RNGTT: variants seen among roughly 807,000 people sequenced by gnomAD.
The protein encoded by RNGTT is RNA guanylyltransferase and 5'-phosphatase, also known as mRNA-capping enzyme.
In RNGTT, 33 loss-of-function variants were observed where a neutral mutation model predicts 79.3. That is an observed-to-expected ratio of 0.42 (90% CI 0.32 to 0.56). RNGTT has a LOEUF of 0.56. Ranked by LOEUF, RNGTT falls within the 20% of genes least tolerant of loss-of-function variation. The pLI, the probability that RNGTT is intolerant of heterozygous loss-of-function variation, is 0.17. For synonymous variants in RNGTT, 222 were observed against 235.9 expected (o/e 0.94, Z 0.54); for missense variants, 497 against 739.1 (o/e 0.67, Z 3.80).
At chr6:88,756,524 G>A (rs981028896) in intron 13 of RNGTT, among the ~76,000 whole-genome samples, 2 of 151,956 alleles carry the variant, frequency 1.3e-5, no homozygotes, top group Non-Finnish European at 2.9e-5. Context: ...GGAATAAAGC[G>A]ACATACTTTA....
chr6:88,878,262 A>G (rs945383889), intron 8 of RNGTT, among the ~76,000 whole-genome samples: 1 of 151,688 alleles, frequency 6.6e-6, no homozygotes, highest in Admixed American at 6.6e-5. Context: ...CACCTGGCTA[A>G]TTTTTCTATT....
At chr6:88,892,021 A>AT in intron 6 of RNGTT, 106 bp from the exon 7 acceptor site, 1 of 754,024 alleles carries the variant, frequency 1.3e-6, no homozygotes, top group Non-Finnish European at 2.0e-6. Context: ...GTTCTCACAA[A>AT]TCTTAGCAAG....
chr6:88,700,131 T>C (rs1201358697), intron 13 of RNGTT, among the ~76,000 whole-genome samples: 1 of 152,162 alleles, frequency 6.6e-6, no homozygotes, highest in Non-Finnish European at 1.5e-5. Flanking sequence ...TCACGGATCT[T>C]ATCACAATAA....
Position 88,612,851 on chromosome 6 carries a change from G to A in RNGTT, c.1662C>T (p.Thr554=). 6.2e-7 allele frequency: 1 copy of A among 1,613,782 alleles called. No homozygotes were observed. The highest frequency in any genetic ancestry group is 8.5e-7 in the Non-Finnish European group (1 of 1,179,914). ...CGATGAACTCAAACAGCATCTCCTTGGTGACAGGGTTTGAGATGCTGTTAC... is the reference window on the plus strand; with the variant it reads ...CGATGAACTCAAACAGCATCTCCTTAGTGACAGGGTTTGAGATGCTGTTAC... ...AVCNSISNPV[T]KEMLFEFIDR... The change falls in exon 16 of 16, where the codon ACC becomes ACT. Residue 554 remains threonine (T), a synonymous_variant. Transcript: ENST00000369485.
intron 8 of RNGTT, among the ~76,000 whole-genome samples, chr6:88,860,434 T>C (rs1475243534): frequency 6.6e-6 from 1 of 152,184 alleles, no homozygotes; most frequent in Non-Finnish European, 1.5e-5. Context: ...AGACTATCCA[T>C]GTTCCTTTCC....
intron 13 of RNGTT, among the ~76,000 whole-genome samples, chr6:88,719,365 G>A (rs1305184160): frequency 1.3e-5 from 2 of 152,118 alleles, no homozygotes; most frequent in Admixed American, 1.3e-4. Context: ...TATTCCTTCT[G>A]TGGTTCAACT....
At chr6:88,784,383 A>G (rs1362818701) in intron 12 of RNGTT, among the ~76,000 whole-genome samples, 1 of 152,150 alleles carries the variant, frequency 6.6e-6, no homozygotes, top group Non-Finnish European at 1.5e-5. Context: ...AAGTGCTTTG[A>G]GGCCAATGGG....
chr6:88,962,308 G>T (rs1785656947), intron 1 of RNGTT, among the ~76,000 whole-genome samples: 1 of 151,900 alleles, frequency 6.6e-6, no homozygotes. Context: ...CAATAAAGAT[G>T]AAAAAAACTA....
intron 8 of RNGTT, among the ~76,000 whole-genome samples, chr6:88,856,151 T>C (rs928610261): frequency 1.3e-5 from 2 of 152,334 alleles, no homozygotes; most frequent in South Asian, 4.1e-4. Context: ...TCTGTTCATC[T>C]TATTTAGTCC....
chr6:88,909,585 C>A (rs1050449010), intron 4 of RNGTT, among the ~76,000 whole-genome samples: 3 of 152,154 alleles, frequency 2.0e-5, no homozygotes, highest in Admixed American at 2.0e-4. Context: ...AAGCCCCACA[C>A]AGAGCAAAGG....
chr6:88,663,323 T>C (rs935059805), intron 14 of RNGTT, among the ~76,000 whole-genome samples: 3 of 152,084 alleles, frequency 2.0e-5, no homozygotes, highest in African/African-American at 4.8e-5. Flanking sequence ...TATCCAGCAT[T>C]AGAGGTGAGA....
intron 14 of RNGTT, among the ~76,000 whole-genome samples, chr6:88,671,156 G>T (rs998438084): frequency 2.6e-5 from 4 of 152,150 alleles, no homozygotes; most frequent in Admixed American, 2.6e-4. Context: ...TAAAGAGGAA[G>T]TCAAACTGTC....
At chr6:88,651,461 T>TA (rs1773795476) in intron 14 of RNGTT, among the ~76,000 whole-genome samples, 1 of 152,152 alleles carries the variant, frequency 6.6e-6, no homozygotes, top group Non-Finnish European at 1.5e-5. Flanking sequence ...GCTGGGCATA[T>TA]AATACTCAAC....
rs1453268079 is a variant in RNGTT at position 88,678,397 on chromosome 6, G to A, written c.1462C>T (p.Leu488Phe). ...CTTTCATAACCTCCAACATACAGGA[G>A]GCCAACATTCTGAGGAAGTAACCTA... ...GEGLLPQNVG[L>F]LYVGGYERPF... Residue 488 changes from leucine (L) to phenylalanine (F), a missense_variant, in exon 14 of 16, where the codon CTC becomes TTC. By Grantham distance (22) the Leu-to-Phe change is conservative. Transcript: ENST00000369485. 4 of 1,444,852 alleles carry A rather than the reference G, an allele frequency of 2.8e-6. No individual in the cohort carries two copies. The highest frequency in any genetic ancestry group is 2.5e-5 in the East Asian group (1 of 40,610). The allele number at this position is 1,444,852 out of a possible 1,614,324, so 89.5% of individuals were successfully genotyped here.
intron 1 of RNGTT, among the ~76,000 whole-genome samples, chr6:88,946,780 G>C (rs888062494): frequency 4.1e-5 from 6 of 147,592 alleles, no homozygotes; most frequent in Non-Finnish European, 9.0e-5. Context: ...TCAGTCTGCC[G>C]AATGCCTGCG....
rs145625412 is a variant in RNGTT at position 88,756,828 on chromosome 6, T to C, written c.1439+12946A>G. ...TCTAGTTTGTTCACTTGGAGCTAAG[T>C]GCTAGCAACGTCGGGGAAACTGTCC... On this transcript the variant is annotated intron_variant, in intron 13 of 15. Transcript: ENST00000369485. 3.8e-3 allele frequency among the ~76,000 whole-genome samples: 585 copies of C among 152,294 alleles called. 4 individuals are homozygous for C. Among genetic ancestry groups the C allele is most frequent in the Non-Finnish European group, 5.6e-3 (382 of 68,016 alleles).
intron 8 of RNGTT, among the ~76,000 whole-genome samples, chr6:88,854,145 G>T (rs1781766387): frequency 1.3e-5 from 2 of 151,830 alleles, no homozygotes; most frequent in South Asian, 4.2e-4. Context: ...CACTATGTTG[G>T]TCGCGAACTC....
At chr6:88,943,604 C>T (rs1359829380) in intron 1 of RNGTT, among the ~76,000 whole-genome samples, 1 of 151,864 alleles carries the variant, frequency 6.6e-6, no homozygotes, top group African/African-American at 2.4e-5. Context: ...CAGAAAAGCC[C>T]TGCCCTCATA....
intron 8 of RNGTT, among the ~76,000 whole-genome samples, chr6:88,882,385 T>C (rs1431126115): frequency 6.6e-6 from 1 of 152,158 alleles, no homozygotes; most frequent in Admixed American, 6.5e-5. Context: ...TTCTATGAGA[T>C]AGGGACAGTA....
Sources: allele counts gnomAD v4.1 joint callset (sites outside exome capture counted in the v4.1 genomes callset), GRCh38; gene constraint gnomAD v4.1.1; transcripts MANE v1.5; gene names NCBI Gene and HGNC (gene_info 2026-07-23, HGNC 2026-07-21).